NPHP1: variants seen among roughly 807,000 people sequenced by gnomAD.
NPHP1 encodes nephrocystin-1.
In NPHP1, 70 loss-of-function variants were observed where a neutral mutation model predicts 90.4. The ratio of observed to expected loss-of-function variants is 0.77; its 90% confidence interval spans 0.64 to 0.95. The LOEUF (loss-of-function observed/expected upper bound fraction) is 0.95, where lower values mean the gene tolerates loss of function less well. Among genes scored for constraint, NPHP1 ranks in the 40% least tolerant of loss-of-function variants. The pLI is 0.00. For synonymous variants in NPHP1, 256 were observed against 271.7 expected (o/e 0.94, Z 0.57); for missense variants, 764 against 795.9 (o/e 0.96, Z 0.48).
At chr2:110,124,885 T>C (rs1293683094) in intron 19 of NPHP1, 4 of 229,966 alleles carry the variant, frequency 1.7e-5, no homozygotes, top group Non-Finnish European at 3.4e-5. Context: ...TTTCCTAATT[T>C]TTAGGGTTTT....
chr2:110,124,450 G>A, intron 19 of NPHP1: 1 of 302,362 alleles, frequency 3.3e-6, no homozygotes, highest in South Asian at 3.8e-5. Flanking sequence ...CAGCATATCA[G>A]AGGTAACTGT....
intron 14 of NPHP1, among the ~76,000 whole-genome samples, chr2:110,145,435 C>T (rs935668578): frequency 2.7e-4 from 41 of 152,006 alleles, no homozygotes; most frequent in African/African-American, 9.9e-4. Context: ...GGATTACAGG[C>T]GTGTGCCACC....
chr2:110,200,628 C>T (rs1265526692), intron 2 of NPHP1, among the ~76,000 whole-genome samples: 1 of 152,122 alleles, frequency 6.6e-6, no homozygotes, highest in Non-Finnish European at 1.5e-5. Context: ...ACGTAGTTTT[C>T]CCTTGGCCTT....
chr2:110,164,864 G>A, intron 7 of NPHP1, 134 bp from the exon 8 acceptor site: 1 of 935,080 alleles, frequency 1.1e-6, no homozygotes, highest in Non-Finnish European at 1.7e-6. Context: ...AAACGAGGTA[G>A]AGCTAAATGT....
At chr2:110,147,506 T>C (rs1681150132) in intron 13 of NPHP1, among the ~76,000 whole-genome samples, 1 of 152,114 alleles carries the variant, frequency 6.6e-6, no homozygotes, top group African/African-American at 2.4e-5. Flanking sequence ...TTATATGACA[T>C]AAGTTAAACT....
At position 110,147,934 on chromosome 2, in the gene NPHP1, T is replaced by C. The variant is rs1681184093; in HGVS notation, c.1251A>G (p.Gly417=). Residue 417 remains glycine, a synonymous_variant, in exon 13 of 20, where the codon GGA becomes GGG. Coordinates refer to ENST00000445609, the MANE Select transcript of NPHP1 (RefSeq NM_001128178.3). ...GACATACATTGCGAATATAAGAAATTCCAAGTTCAAATAATATTCCAAGAT... is the reference window on the plus strand; with the variant it reads ...GACATACATTGCGAATATAAGAAATCCCAAGTTCAAATAATATTCCAAGAT... ...SPDLGILFEL[G]ISYIRNSTGE... is the part of the protein sequence containing the mutation. 6.9e-6 allele frequency: 11 copies of C among 1,591,332 alleles called. No individual in the cohort carries two copies. Among genetic ancestry groups the C allele is most frequent in the Non-Finnish European group, 8.6e-6 (10 of 1,159,302 alleles).
chr2:110,135,463 C>T (rs1396395877), intron 16 of NPHP1, among the ~76,000 whole-genome samples: 3 of 114,224 alleles, frequency 2.6e-5, no homozygotes, highest in Admixed American at 1.3e-4. Flanking sequence ...GGAGACACAG[C>T]GAGACCCCGT....
chr2:110,189,367 A>G (rs561903844), intron 2 of NPHP1, among the ~76,000 whole-genome samples: 1 of 152,200 alleles, frequency 6.6e-6, no homozygotes, highest in African/African-American at 2.4e-5. Context: ...TCGCTGGCTC[A>G]GGAGTGAAGC....
chr2:110,153,341 A>G (rs1000160828), intron 11 of NPHP1, among the ~76,000 whole-genome samples: 2 of 152,194 alleles, frequency 1.3e-5, no homozygotes, highest in African/African-American at 4.8e-5. Context: ...TGATAAAAAG[A>G]AGACTCTTAG....
At position 110,169,900 on chromosome 2, in the gene NPHP1, T is replaced by G. The variant is rs1574139836; in HGVS notation, c.428A>C (p.Lys143Thr). The part of the protein sequence containing the change: ...EEDAEEEEEE[K>T]EENESHKWST... ...CCATTTGTGAGATTCATTTTCCTCT[T>G]TCTCTTCCTCTTCCTCCTCTGCATC... Residue 143 changes from lysine to threonine, a missense_variant, in exon 5 of 20, where the codon AAA (lysine) becomes ACA (threonine). Physicochemically the swap from Lys to Thr is moderately conservative, Grantham distance 78. Coordinates refer to ENST00000445609, the MANE Select transcript of NPHP1 (RefSeq NM_001128178.3). The G allele has an allele frequency of 6.2e-7, 1 of 1,612,606 alleles. No individual in the cohort carries two copies. Among genetic ancestry groups the G allele is most frequent in the Middle Eastern group, 1.6e-4 (1 of 6,062 alleles).
At chr2:110,127,002 A>G (rs551126363) in intron 18 of NPHP1, 1 of 152,716 alleles carries the variant, frequency 6.5e-6, no homozygotes, top group East Asian at 1.9e-4. Flanking sequence ...CTATTACCTC[A>G]CCAAGATCCA....
chr2:110,146,690 A>G, intron 14 of NPHP1, 63 bp downstream of exon 14: 14 of 1,196,140 alleles, frequency 1.2e-5, no homozygotes, highest in Non-Finnish European at 1.8e-5. Flanking sequence ...CTGAGGTATC[A>G]AGAGTCTAAA....
intron 2 of NPHP1, among the ~76,000 whole-genome samples, chr2:110,194,329 C>T (rs1447339366): frequency 1.3e-5 from 2 of 152,074 alleles, no homozygotes; most frequent in African/African-American, 2.4e-5. Context: ...GGGGATATCA[C>T]CACCGATCCC....
intron 13 of NPHP1, among the ~76,000 whole-genome samples, chr2:110,147,211 G>A (rs1681117905): frequency 6.6e-6 from 1 of 151,954 alleles, no homozygotes; most frequent in African/African-American, 2.4e-5. Context: ...AATCATTCAA[G>A]GGCTTTTCTG....
At position 110,204,946 on chromosome 2, in the gene NPHP1, T is replaced by C. The variant is rs1457581717; in HGVS notation, c.23A>G (p.Asp8Gly). The change falls in exon 1 of 20, where the codon GAT becomes GGT. Residue 8 changes from aspartate (D) to glycine (G), a missense_variant. Transcript: ENST00000445609. The stretch of plus-strand genomic sequence containing the variant: ...GCGGCGCCGCAGGGCCTGGAGAGGA[T>C]CTCGCTGTCGTCTCGCCAGCATCTC... Reference protein sequence around the residue: MLARRQRDPLQALRRRNQ... With the variant: MLARRQRGPLQALRRRNQ... 1 of 1,614,032 alleles carries C rather than the reference T, an allele frequency of 6.2e-7. No homozygotes were observed. Among genetic ancestry groups the C allele is most frequent in the South Asian group, 1.1e-5 (1 of 91,078 alleles).
At chr2:110,136,893 T>G (rs1574071191) in intron 16 of NPHP1, among the ~76,000 whole-genome samples, 1 of 152,122 alleles carries the variant, frequency 6.6e-6, no homozygotes. Flanking sequence ...AGAACAAAGC[T>G]GGAGGCATCA....
intron 2 of NPHP1, among the ~76,000 whole-genome samples, chr2:110,187,562 T>G (rs10167781): frequency 0.3 from 45,280 of 151,958 alleles, 7,382 homozygotes; most frequent in East Asian, 0.54. Flanking sequence ...CAGGACCAGA[T>G]GAATTCACAG....
chr2:110,154,248 T>C (rs1249852862), intron 11 of NPHP1, among the ~76,000 whole-genome samples: 1 of 152,154 alleles, frequency 6.6e-6, no homozygotes, highest in Non-Finnish European at 1.5e-5. Flanking sequence ...AGAGGTGCCA[T>C]TCACCTTCTG....
At chr2:110,160,067 T>C in intron 11 of NPHP1, 60 bp downstream of exon 11, 1 of 1,564,814 alleles carries the variant, frequency 6.4e-7, no homozygotes, top group Non-Finnish European at 8.8e-7. Flanking sequence ...TGGAAAAGAA[T>C]CTAAGGGAAT....
Sources: allele counts gnomAD v4.1 joint callset (sites outside exome capture counted in the v4.1 genomes callset), GRCh38; gene constraint gnomAD v4.1.1; transcripts MANE v1.5; gene names NCBI Gene and HGNC (gene_info 2026-07-23, HGNC 2026-07-21).